Variants in RNF141 observed in about 807,000 individuals in gnomAD.
RNF141 encodes the protein C3HC4-like zinc finger protein.
Under a neutral mutation model 27.4 loss-of-function variants are expected in RNF141, and 18 were observed. The ratio of observed to expected loss-of-function variants is 0.66; its 90% confidence interval spans 0.45 to 0.97. RNF141 has a LOEUF of 0.97. Ranked by LOEUF, RNF141 falls within the 50% of genes least tolerant of loss-of-function variation. The pLI, the probability that RNF141 is intolerant of heterozygous loss-of-function variation, is 0.00. For missense variants in RNF141, 230 were observed against 279.4 expected (o/e 0.82, Z 1.26); for synonymous variants, 97 against 96.6 (o/e 1.00, Z -0.02).
chr11:10,514,903 T>A lies in RNF141; in HGVS notation c.*13A>T. 6.3e-7 allele frequency: 1 copy of A among 1,599,210 alleles called. No individual in the cohort carries two copies. Among genetic ancestry groups the A allele is most frequent in the Non-Finnish European group, 8.5e-7 (1 of 1,172,870 alleles). On this transcript the variant is annotated 3_prime_UTR_variant, in exon 6 of 6. Transcript: ENST00000265981. ...TGAGCCCACAATAGCAACAGAAGACTTTCACTTCAAGGTCATGGCCTGTGG... is the reference window on the plus strand; with the variant it reads ...TGAGCCCACAATAGCAACAGAAGACATTCACTTCAAGGTCATGGCCTGTGG...
intron 2 of RNF141, chr11:10,531,922 C>T: frequency 2.5e-6 from 1 of 405,142 alleles, no homozygotes; most frequent in Non-Finnish European, 4.8e-6. Flanking sequence ...AGGTTTAATT[C>T]TACAGTTCTC....
chr11:10,512,328 C>A lies in RNF141; in HGVS notation c.*2588G>T, dbSNP rs996862035. ...ACATCTAAATAATTATCACCCAGTT[C>A]AATAGAGCGAACAAAGAGCTGTGCT... On this transcript the variant is annotated 3_prime_UTR_variant, in exon 6 of 6. Transcript: ENST00000265981. The A allele has an allele frequency of 6.6e-6, 1 of 152,618 alleles. No individual in the cohort carries two copies. The highest frequency in any genetic ancestry group is 1.9e-4 in the East Asian group (1 of 5,206). 9.5% of individuals were successfully genotyped at this position (152,618 alleles called of 1,614,324 possible).
intron 3 of RNF141, among the ~76,000 whole-genome samples, chr11:10,528,255 G>A (rs1849955632): frequency 6.6e-6 from 1 of 152,108 alleles, no homozygotes; most frequent in African/African-American, 2.4e-5. Context: ...TCTCCTATCA[G>A]TTTTTCATGG....
At chr11:10,516,890 T>C (rs1000433200) in intron 5 of RNF141, 3 of 151,958 alleles carry the variant, frequency 2.0e-5, no homozygotes, top group Admixed American at 1.3e-4. Flanking sequence ...CACTTAACTA[T>C]AGTCCAGAAA....
At chr11:10,520,483 C>T (rs1849879860) in intron 4 of RNF141, among the ~76,000 whole-genome samples, 2 of 152,218 alleles carry the variant, frequency 1.3e-5, no homozygotes, top group African/African-American at 4.8e-5. Flanking sequence ...TCTTCAGGGG[C>T]AGTAACATGC....
At chr11:10,535,457 C>G (rs1332328161) in intron 1 of RNF141, among the ~76,000 whole-genome samples, 4 of 99,066 alleles carry the variant, frequency 4.0e-5, no homozygotes, top group African/African-American at 2.1e-4. Context: ...TGAGGAAGAT[C>G]CAGGCCAAAA....
chr11:10,533,532 T>TA (rs201066765), intron 2 of RNF141, among the ~76,000 whole-genome samples: 2,351 of 130,240 alleles, frequency 0.018, 71 homozygotes, highest in African/African-American at 0.06. Flanking sequence ...GATGACACAG[T>TA]AAAAAAAAGT....
At chr11:10,527,571 T>C (rs1164776483) in intron 3 of RNF141, among the ~76,000 whole-genome samples, 1 of 151,404 alleles carries the variant, frequency 6.6e-6, no homozygotes, top group African/African-American at 2.4e-5. Flanking sequence ...GACGGTGAGG[T>C]GGGAATAGAA....
chr11:10,512,399 G>C lies in RNF141; in HGVS notation c.*2517C>G, dbSNP rs1467757066. The C allele has an allele frequency of 6.6e-6, 1 of 152,582 alleles. No homozygotes were observed. The highest frequency in any genetic ancestry group is 1.5e-5 in the Non-Finnish European group (1 of 68,026). The allele number at this position is 152,582 out of a possible 1,614,324, so 9.5% of individuals were successfully genotyped here. A position where few individuals can be genotyped will look rare whatever the true frequency, so the allele number is the denominator to read the frequency against. The stretch of plus-strand genomic sequence containing the variant: ...CTAATAACATTTTATATTCACAGTA[G>C]ATCAGTAAGTGTCTTGGAGCTCATA... On this transcript the variant is annotated 3_prime_UTR_variant, in exon 6 of 6. Coordinates refer to ENST00000265981, the MANE Select transcript of RNF141 (RefSeq NM_016422.4).
rs1849804004 is a variant in RNF141, at chr11:10,511,986, C to T, written c.*2930G>A. The T allele has an allele frequency of 6.6e-6, 1 of 152,622 alleles. No individual in the cohort carries two copies. Among genetic ancestry groups the T allele is most frequent in the Non-Finnish European group, 1.5e-5 (1 of 68,032 alleles). 9.5% of individuals were successfully genotyped at this position (152,622 alleles called of 1,614,324 possible). A position where few individuals can be genotyped will look rare whatever the true frequency, so the allele number is the denominator to read the frequency against. Reference sequence around the variant, plus strand: ...ATTTATCAGTGGGTACTAAGAATAACACAGATCCTATTATTCTCAACCTCT... The same window carrying T: ...ATTTATCAGTGGGTACTAAGAATAATACAGATCCTATTATTCTCAACCTCT... On this transcript the variant is annotated 3_prime_UTR_variant, in exon 6 of 6. Transcript: ENST00000265981.
At position 10,534,101 on chromosome 11, in the gene RNF141, C is replaced by A; in HGVS notation, c.58G>T (p.Val20Leu). 6.2e-7 allele frequency: 1 copy of A among 1,613,726 alleles called. No individual in the cohort carries two copies. Among genetic ancestry groups the A allele is most frequent in the Non-Finnish European group, 8.5e-7 (1 of 1,179,744 alleles). The change falls in exon 2 of 6, where the codon GTA (valine) becomes TTA (leucine). Residue 20 changes from valine to leucine, a missense_variant. Physicochemically the swap from Val to Leu is conservative, Grantham distance 32. Transcript: ENST00000265981. ...QLVINKLPEKVAKHVTLVRES... is the reference protein window; with the variant it reads ...QLVINKLPEKLAKHVTLVRES... ...CGAACCAACGTAACATGTTTTGCTA[C>A]TTTTTCTGGTAACTTGTTAATAACC...
chr11:10,530,640 C>T lies in RNF141; in HGVS notation c.252+3G>A. The stretch of plus-strand genomic sequence containing the variant: ...CAGAGGTAGAAGTCTCCATCAGTCT[C>T]ACCTTGGTACAGACCACCCGTACAA... On this transcript the variant is annotated splice_donor_region_variant and intron_variant, in intron 3 of 5. Coordinates refer to ENST00000265981, the MANE Select transcript of RNF141 (RefSeq NM_016422.4). 1 of 1,563,570 alleles carries T rather than the reference C, an allele frequency of 6.4e-7. No individual in the cohort carries two copies. The highest frequency in any genetic ancestry group is 8.8e-7 in the Non-Finnish European group (1 of 1,142,254).
At chr11:10,538,558 G>A (rs1850057458) in intron 1 of RNF141, among the ~76,000 whole-genome samples, 1 of 152,130 alleles carries the variant, frequency 6.6e-6, no homozygotes, top group African/African-American at 2.4e-5. Flanking sequence ...AAGTCACTTG[G>A]CCATTTCCCT....
rs900315333 is a variant in RNF141 at position 10,512,560 on chromosome 11, G to C, written c.*2356C>G. The stretch of plus-strand genomic sequence containing the variant: ...ATCCAAAACTCTGTAAGGTAACTCT[G>C]TTCACTTTTCAGAAACATTTTAAAA... On this transcript the variant is annotated 3_prime_UTR_variant, in exon 6 of 6. Transcript: ENST00000265981. 1 of 152,396 alleles carries C rather than the reference G, an allele frequency of 6.6e-6. No individual in the cohort carries two copies. Among genetic ancestry groups the C allele is most frequent in the Non-Finnish European group, 1.5e-5 (1 of 68,014 alleles). 9.4% of individuals were successfully genotyped at this position (152,396 alleles called of 1,614,324 possible).
chr11:10,535,710 A>T (rs75606450), intron 1 of RNF141, among the ~76,000 whole-genome samples: 1 of 152,172 alleles, frequency 6.6e-6, no homozygotes, highest in Non-Finnish European at 1.5e-5. Flanking sequence ...CCAAAACTTA[A>T]CAAAAATCTC....
At chr11:10,532,995 T>A (rs1850001958) in intron 2 of RNF141, among the ~76,000 whole-genome samples, 1 of 152,194 alleles carries the variant, frequency 6.6e-6, no homozygotes, top group South Asian at 2.1e-4. Context: ...GCAGAGGGCC[T>A]TGCACATACT....
At chr11:10,521,008 C>T (rs1365544553) in intron 4 of RNF141, among the ~76,000 whole-genome samples, 2 of 152,306 alleles carry the variant, frequency 1.3e-5, no homozygotes, top group East Asian at 1.9e-4. Context: ...ATAGTTTAGT[C>T]TTAAGTATCA....
chr11:10,524,037 A>ATT lies in RNF141; in HGVS notation c.434+1154_434+1155insAA, dbSNP rs574138140. ...AATTGGGAAATAATAAATGGAAAAT[A>ATT]CAGTTTAACTGTAACATAGTGCTTG... On this transcript the variant is annotated intron_variant, in intron 4 of 5. Transcript: ENST00000265981. Among the ~76,000 whole-genome samples the ATT allele has an allele frequency of 5.9e-5, 9 of 152,342 alleles. No individual in the cohort carries two copies. In the East Asian group the frequency reaches 1.5e-3, roughly 26 times the overall value.
chr11:10,518,212 A>G (rs1236201277), intron 5 of RNF141: 1 of 152,222 alleles, frequency 6.6e-6, no homozygotes, highest in Non-Finnish European at 1.5e-5. Context: ...AAACACACAC[A>G]TACCATATGA....
Sources: allele counts gnomAD v4.1 joint callset (sites outside exome capture counted in the v4.1 genomes callset), GRCh38; gene constraint gnomAD v4.1.1; transcripts MANE v1.5; gene names NCBI Gene and HGNC (gene_info 2026-07-23, HGNC 2026-07-21).